The following THSD7A variants were observed in gnomAD, a reference collection of about 807,000 sequenced individuals.
THSD7A encodes thrombospondin type-1 domain-containing protein 7A.
THSD7A carries 96 observed loss-of-function variants against 231.3 expected under a neutral mutation model. That is an observed-to-expected ratio of 0.41 (90% CI 0.35 to 0.49). The LOEUF is 0.49. Ranked by LOEUF, THSD7A falls within the 20% of genes least tolerant of loss-of-function variation. The probability of loss-of-function intolerance (pLI) is 0.05; values close to 1 mark genes in which losing one functional copy is unlikely to be tolerated. For missense variants in THSD7A, 2,290 were observed against 2,070.2 expected (o/e 1.11, Z -2.06); for synonymous variants, 940 against 743.3 (o/e 1.26, Z -4.30).
intron 1 of THSD7A, among the ~76,000 whole-genome samples, chr7:11,693,200 T>C (rs561574896): frequency 6.6e-6 from 1 of 151,582 alleles, no homozygotes; most frequent in Non-Finnish European, 1.5e-5. Context: ...TATAGATGTA[T>C]ATTTAAATTT....
intron 1 of THSD7A, chr7:11,820,895 GGAATTCACTGATTCTCTA>G (rs1784855013): frequency 1.0e-5 from 9 of 890,886 alleles, no homozygotes; most frequent in Non-Finnish European, 1.6e-5. Context: ...TGGAGTCTCG[GGAATTCACTGATTCTCTA>G]GATTTACCTC....
At chr7:11,620,436 G>A (rs948404264) in intron 2 of THSD7A, among the ~76,000 whole-genome samples, 2 of 152,192 alleles carry the variant, frequency 1.3e-5, no homozygotes, top group African/African-American at 4.8e-5. Context: ...GGGATTACAA[G>A]TATAAAGACA....
At position 11,694,055 on chromosome 7, in the gene THSD7A, C is replaced by T. The variant is rs149526460; in HGVS notation, c.191-57094G>A. Among the ~76,000 whole-genome samples the T allele has an allele frequency of 5.3e-5, 8 of 151,496 alleles. No homozygotes were observed. In the East Asian group the frequency reaches 1.4e-3, roughly 26 times the overall value. On this transcript the variant is annotated intron_variant, in intron 1 of 27. Transcript: ENST00000423059. ...TTTCAGTTTGAGATTTAAAAATGTG[C>T]AGCTATATAAAAGTATGAATGAAGG... is the stretch of plus-strand genomic sequence containing the variant.
Position 11,379,071 on chromosome 7 carries a change from T to C in THSD7A, c.4800A>G (p.Pro1600=), listed in dbSNP as rs745456075. Residue 1600 remains proline (P), a splice_region_variant and synonymous_variant, in exon 26 of 28, where the codon CCA becomes CCG. Transcript: ENST00000423059. Reference sequence around the variant, plus strand: ...TCAACACTAGTCTAGTCAGTTCACCTGGCCCAAATGGCTGTAGAAACCAGG... The same window carrying C: ...TCAACACTAGTCTAGTCAGTTCACCCGGCCCAAATGGCTGTAGAAACCAGG... ...GRTWFLQPFG[P]DGRLKTWVYG... is the part of the protein sequence containing the mutation. 1.2e-6 allele frequency: 2 copies of C among 1,612,944 alleles called. No individual in the cohort carries two copies. The highest frequency in any genetic ancestry group is 1.7e-5 in the Admixed American group (1 of 59,956).
chr7:11,543,600 A>G (rs1034801372), intron 4 of THSD7A, among the ~76,000 whole-genome samples: 2 of 152,230 alleles, frequency 1.3e-5, no homozygotes, highest in Admixed American at 1.3e-4. Flanking sequence ...GAGAGGTAGC[A>G]GGTGAGATGA....
intron 1 of THSD7A, among the ~76,000 whole-genome samples, chr7:11,733,890 C>A (rs12537741): frequency 2.0e-5 from 3 of 151,352 alleles, no homozygotes; most frequent in Non-Finnish European, 4.4e-5. Context: ...GGATTGCAAC[C>A]TTCTCTCCCT....
chr7:11,733,777 T>C (rs774367687), intron 1 of THSD7A, among the ~76,000 whole-genome samples: 25 of 151,916 alleles, frequency 1.6e-4, no homozygotes, highest in Non-Finnish European at 3.2e-4. Flanking sequence ...TCTCAAGCAG[T>C]GTGGTTTCTT....
At chr7:11,416,688 G>A (rs921082250) in intron 17 of THSD7A, among the ~76,000 whole-genome samples, 1 of 152,172 alleles carries the variant, frequency 6.6e-6, no homozygotes, top group Non-Finnish European at 1.5e-5. Context: ...TTCCATATTA[G>A]TTATTTTTCT....
chr7:11,742,730 A>G (rs575169462), intron 1 of THSD7A, among the ~76,000 whole-genome samples: 3 of 151,924 alleles, frequency 2.0e-5, no homozygotes, highest in Non-Finnish European at 2.9e-5. Context: ...TGCTGCACTC[A>G]GTGATTTATC....
At chr7:11,724,931 T>TTCC (rs1781496440) in intron 1 of THSD7A, among the ~76,000 whole-genome samples, 1 of 151,762 alleles carries the variant, frequency 6.6e-6, no homozygotes. Flanking sequence ...TCATCTCTTC[T>TTCC]TCTTCTTCTT....
chr7:11,545,994 G>A (rs1789365615), intron 4 of THSD7A, among the ~76,000 whole-genome samples: 1 of 152,074 alleles, frequency 6.6e-6, no homozygotes, highest in South Asian at 2.1e-4. Flanking sequence ...TAACTGCCTG[G>A]CCTTGTACAC....
At chr7:11,572,678 A>ATT (rs57930616) in intron 4 of THSD7A, among the ~76,000 whole-genome samples, 3 of 146,988 alleles carry the variant, frequency 2.0e-5, no homozygotes, top group Non-Finnish European at 3.0e-5. Flanking sequence ...CAGCAAATTA[A>ATT]TTTTTTTTTT....
intron 1 of THSD7A, among the ~76,000 whole-genome samples, chr7:11,806,198 A>G (rs1371389964): frequency 1.3e-5 from 2 of 152,192 alleles, no homozygotes; most frequent in African/African-American, 4.8e-5. Flanking sequence ...AACAAGCACC[A>G]TGCAGGTCAG....
chr7:11,389,192 A>G (rs1408734067), intron 23 of THSD7A, among the ~76,000 whole-genome samples: 1 of 152,012 alleles, frequency 6.6e-6, no homozygotes, highest in Non-Finnish European at 1.5e-5. Flanking sequence ...TGATCAGTCT[A>G]TTATTGGCAG....
At chr7:11,759,418 T>G (rs1361136887) in intron 1 of THSD7A, among the ~76,000 whole-genome samples, 3 of 152,036 alleles carry the variant, frequency 2.0e-5, no homozygotes, top group Admixed American at 1.3e-4. Flanking sequence ...TGAAAGATAT[T>G]AATCTGTAGA....
chr7:11,806,223 C>T (rs2128182919), intron 1 of THSD7A, among the ~76,000 whole-genome samples: 1 of 152,308 alleles, frequency 6.6e-6, no homozygotes, highest in South Asian at 2.1e-4. Context: ...TGCAGCTCCA[C>T]TCCATGTTTT....
intron 4 of THSD7A, among the ~76,000 whole-genome samples, chr7:11,565,577 A>G (rs1472095263): frequency 1.3e-5 from 2 of 152,012 alleles, no homozygotes; most frequent in Non-Finnish European, 2.9e-5. Context: ...TAAATATTGA[A>G]AGCAGAGTCA....
chr7:11,594,780 G>A (rs1780298788), intron 2 of THSD7A, among the ~76,000 whole-genome samples: 1 of 152,186 alleles, frequency 6.6e-6, no homozygotes, highest in Non-Finnish European at 1.5e-5. Flanking sequence ...TGTTGAGAAG[G>A]AGCCGAAATT....
At chr7:11,470,072 A>C in intron 8 of THSD7A, 78 bp from the exon 9 acceptor site, 1 of 1,086,926 alleles carries the variant, frequency 9.2e-7, no homozygotes, top group Admixed American at 2.0e-5. Flanking sequence ...TAGAATTTTC[A>C]CTGGTAAAAT....
Sources: gnomAD v4.1 joint callset for allele counts (sites outside exome capture counted in the v4.1 genomes callset) on GRCh38, gnomAD v4.1.1 for gene constraint, MANE v1.5 for transcripts, NCBI Gene and HGNC (gene_info 2026-07-23, HGNC 2026-07-21) for gene names.